GRM8: variants seen among roughly 807,000 people sequenced by gnomAD.
The protein encoded by GRM8 is glutamate metabotropic receptor 8, also known as metabotropic glutamate receptor 8.
GRM8 carries 47 observed loss-of-function variants against 87.2 expected under a neutral mutation model. The ratio of observed to expected loss-of-function variants is 0.54; its 90% CI spans 0.43 to 0.69. GRM8 has a LOEUF of 0.69. GRM8 is among the 30% of genes least tolerant of loss of function. GRM8 has a pLI of 0.00. For missense variants in GRM8, 1,019 were observed against 1,139.2 expected (o/e 0.89, Z 1.52); for synonymous variants, 396 against 404.5 (o/e 0.98, Z 0.25).
intron 2 of GRM8, among the ~76,000 whole-genome samples, chr7:127,190,895 A>G (rs1278606463): frequency 6.6e-6 from 1 of 152,110 alleles, no homozygotes; most frequent in Admixed American, 6.6e-5. Context: ...TCTTTCTTCT[A>G]TGGGTATTCT....
chr7:127,007,097 T>A (rs1383789363), intron 3 of GRM8, among the ~76,000 whole-genome samples: 2 of 151,890 alleles, frequency 1.3e-5, no homozygotes, highest in Admixed American at 6.6e-5. Flanking sequence ...TTCCAATTCC[T>A]CCCCCTAGCA....
chr7:126,872,200 A>T (rs899992045), intron 6 of GRM8, among the ~76,000 whole-genome samples: 2 of 152,122 alleles, frequency 1.3e-5, no homozygotes, highest in African/African-American at 4.8e-5. Flanking sequence ...CTATGTCTTT[A>T]TTTTTGAGGA....
chr7:126,891,128 G>A (rs1284462912), intron 6 of GRM8, among the ~76,000 whole-genome samples: 1 of 151,950 alleles, frequency 6.6e-6, no homozygotes, highest in East Asian at 1.9e-4. Flanking sequence ...TTCAATCAAT[G>A]ACCGAATTTC....
At chr7:127,048,451 G>T (rs1219183252) in intron 3 of GRM8, among the ~76,000 whole-genome samples, 3 of 152,192 alleles carry the variant, frequency 2.0e-5, no homozygotes, top group Non-Finnish European at 4.4e-5. Flanking sequence ...GGAATAAGGT[G>T]GTCTGGCAGA....
intron 7 of GRM8, among the ~76,000 whole-genome samples, chr7:126,742,120 T>C (rs556279349): frequency 6.6e-6 from 1 of 151,868 alleles, no homozygotes; most frequent in South Asian, 2.1e-4. Flanking sequence ...CCATCTGCAT[T>C]TGGGTGAAAA....
At chr7:126,986,018 CA>C (rs1432457282) in intron 3 of GRM8, among the ~76,000 whole-genome samples, 5 of 151,832 alleles carry the variant, frequency 3.3e-5, no homozygotes, top group African/African-American at 1.2e-4. Context: ...AAATTCAAGT[CA>C]TTTTTTTTTT....
At chr7:126,600,046 A>T (rs1397848675) in intron 8 of GRM8, among the ~76,000 whole-genome samples, 2 of 152,196 alleles carry the variant, frequency 1.3e-5, no homozygotes, top group Admixed American at 6.6e-5. Flanking sequence ...TTTAAAGTCT[A>T]GTTTGAATTT....
At chr7:126,583,739 G>A (rs148434019) in intron 8 of GRM8, among the ~76,000 whole-genome samples, 1 of 149,760 alleles carries the variant, frequency 6.7e-6, no homozygotes, top group Non-Finnish European at 1.5e-5. Flanking sequence ...ATGAGTAACT[G>A]CTTCCTATGA....
intron 3 of GRM8, among the ~76,000 whole-genome samples, chr7:127,068,585 G>A (rs1320521143): frequency 6.6e-6 from 1 of 152,210 alleles, no homozygotes; most frequent in East Asian, 1.9e-4. Flanking sequence ...CCTAGAAACA[G>A]GAGAAAAGCT....
intron 2 of GRM8, among the ~76,000 whole-genome samples, chr7:127,221,104 T>C (rs1018956392): frequency 1.6e-4 from 25 of 152,214 alleles, no homozygotes; most frequent in African/African-American, 6.0e-4. Flanking sequence ...TGTCCAACCA[T>C]AGGCCAGGAA....
chr7:126,569,487 C>G (rs939962461), intron 8 of GRM8, among the ~76,000 whole-genome samples: 1 of 152,110 alleles, frequency 6.6e-6, no homozygotes, highest in African/African-American at 2.4e-5. Context: ...AGGAAGAAAA[C>G]GACACTTTGT....
intron 3 of GRM8, among the ~76,000 whole-genome samples, chr7:127,000,462 C>T (rs577492347): frequency 9.6e-4 from 145 of 151,648 alleles, no homozygotes; most frequent in African/African-American, 2.9e-3. Flanking sequence ...TTTACTATGA[C>T]GATATACATT....
At chr7:126,821,545 T>C (rs928760198) in intron 6 of GRM8, among the ~76,000 whole-genome samples, 1 of 152,212 alleles carries the variant, frequency 6.6e-6, no homozygotes, top group African/African-American at 2.4e-5. Context: ...TTGGAAAACA[T>C]CAGCAATCAT....
chr7:126,920,013 C>T (rs577134376), intron 3 of GRM8, among the ~76,000 whole-genome samples: 19 of 152,262 alleles, frequency 1.2e-4, no homozygotes, highest in Non-Finnish European at 2.5e-4. Flanking sequence ...AGCCCTGCCC[C>T]TCTGATGTGA....
chr7:126,663,178 G>A (rs954217318), intron 7 of GRM8, among the ~76,000 whole-genome samples: 5 of 152,062 alleles, frequency 3.3e-5, no homozygotes, highest in Non-Finnish European at 7.4e-5. Flanking sequence ...AAAGCCCTAC[G>A]GCAGATGGAT....
intron 9 of GRM8, among the ~76,000 whole-genome samples, chr7:126,456,509 AGCAGC>A: frequency 7.4e-6 from 1 of 135,038 alleles, no homozygotes; most frequent in Admixed American, 7.9e-5. Context: ...AGTGTAAGAA[AGCAGC>A]AAGCTAAAAA....
At chr7:126,723,795 C>T (rs1213011984) in intron 7 of GRM8, among the ~76,000 whole-genome samples, 2 of 152,170 alleles carry the variant, frequency 1.3e-5, no homozygotes, top group Admixed American at 1.3e-4. Context: ...CTCCTAACAT[C>T]TACTTAAGTT....
chr7:126,631,205 A>G (rs958654384), intron 7 of GRM8, among the ~76,000 whole-genome samples: 1 of 152,182 alleles, frequency 6.6e-6, no homozygotes, highest in Non-Finnish European at 1.5e-5. Flanking sequence ...TACAAAATCA[A>G]TGTGCAAAAA....
At chr7:126,580,123 CTGAG>C (rs2151009460) in intron 8 of GRM8, among the ~76,000 whole-genome samples, 1 of 152,208 alleles carries the variant, frequency 6.6e-6, no homozygotes, top group Non-Finnish European at 1.5e-5. Context: ...ATGGTTTTCT[CTGAG>C]GGCCATCTTT....
Sources: gnomAD v4.1 joint callset for allele counts (sites outside exome capture counted in the v4.1 genomes callset) on GRCh38, gnomAD v4.1.1 for gene constraint, MANE v1.5 for transcripts, NCBI Gene and HGNC (gene_info 2026-07-23, HGNC 2026-07-21) for gene names.